The following PDE3A variants were observed in gnomAD, a reference collection of about 807,000 sequenced individuals.
The protein encoded by PDE3A is phosphodiesterase 3A.
In PDE3A, 43 loss-of-function variants were observed where a neutral mutation model predicts 98.3. The ratio of observed to expected loss-of-function variants is 0.44; its 90% CI spans 0.34 to 0.56. The LOEUF is 0.56. PDE3A is among the 20% of genes least tolerant of loss of function. The pLI is 0.01. For missense variants in PDE3A, 1,427 were observed against 1,440.7 expected, an observed-to-expected ratio of 0.99 and a Z score of 0.15; for synonymous variants, 663 against 567.9, an observed-to-expected ratio of 1.17 and a Z score of -2.38.
At chr12:20,395,557 A>G (rs1005096400) in intron 1 of PDE3A, among the ~76,000 whole-genome samples, 2 of 146,696 alleles carry the variant, frequency 1.4e-5, no homozygotes, top group Non-Finnish European at 3.0e-5. Flanking sequence ...ATGTGTACAC[A>G]TAGTATATAT....
At chr12:20,590,000 A>C (rs574211238) in intron 2 of PDE3A, among the ~76,000 whole-genome samples, 69 of 152,238 alleles carry the variant, frequency 4.5e-4, no homozygotes, top group African/African-American at 1.6e-3. Flanking sequence ...CTAGTGAAAA[A>C]TCTTATGCCA....
At chr12:20,492,745 A>G (rs959529275) in intron 1 of PDE3A, among the ~76,000 whole-genome samples, 2 of 152,002 alleles carry the variant, frequency 1.3e-5, no homozygotes, top group African/African-American at 4.8e-5. Context: ...ACTCACCTCA[A>G]CCTCCTTTCT....
At position 20,673,498 on chromosome 12, in the gene PDE3A, C is replaced by A. The variant is rs964938516; in HGVS notation, c.3185-6532C>A. On this transcript the variant is annotated intron_variant, in intron 15 of 15. Transcript: ENST00000359062. ...GGATTAAGAAAATGTGGCACATATACACCATGGAATACTATGCAGCCATAA... is the reference window on the plus strand; with the variant it reads ...GGATTAAGAAAATGTGGCACATATAAACCATGGAATACTATGCAGCCATAA... 4.2e-5 allele frequency among the ~76,000 whole-genome samples: 6 copies of A among 143,130 alleles called. No individual in the cohort carries two copies. In the South Asian group the frequency reaches 1.2e-3, roughly 28 times the overall value. The allele number at this position is 143,130 out of a possible 152,430, so 93.9% of individuals were successfully genotyped here. A position where few individuals can be genotyped will look rare whatever the true frequency, so the allele number is the denominator to read the frequency against.
intron 1 of PDE3A, among the ~76,000 whole-genome samples, chr12:20,457,936 G>A (rs1050855102): frequency 4.6e-5 from 7 of 152,022 alleles, no homozygotes; most frequent in Non-Finnish European, 1.0e-4. Context: ...TATTTATACA[G>A]TTAGATATTA....
At chr12:20,601,262 G>GT (rs750316615) in intron 2 of PDE3A, among the ~76,000 whole-genome samples, 5 of 146,280 alleles carry the variant, frequency 3.4e-5, no homozygotes, top group African/African-American at 7.7e-5. Context: ...TTGTTTGTTT[G>GT]TTTTTTGGCT....
At chr12:20,461,685 G>T (rs1347182963) in intron 1 of PDE3A, among the ~76,000 whole-genome samples, 1 of 152,118 alleles carries the variant, frequency 6.6e-6, no homozygotes, top group African/African-American at 2.4e-5. Flanking sequence ...TGGGATGATG[G>T]TGATGACGAT....
chr12:20,450,042 A>G, intron 1 of PDE3A: 1 of 635,288 alleles, frequency 1.6e-6, no homozygotes, highest in East Asian at 3.0e-5. Context: ...TTTTCATTCC[A>G]CAATTGCATA....
At chr12:20,508,154 T>A (rs371722298) in intron 1 of PDE3A, among the ~76,000 whole-genome samples, 1 of 152,034 alleles carries the variant, frequency 6.6e-6, no homozygotes, top group Non-Finnish European at 1.5e-5. Flanking sequence ...CACTGGCTGT[T>A]TTCTTTGCCT....
chr12:20,477,118 G>C, intron 1 of PDE3A, among the ~76,000 whole-genome samples: 1 of 152,136 alleles, frequency 6.6e-6, no homozygotes, highest in South Asian at 2.1e-4. Context: ...TTCTCTAACA[G>C]ATGCACAGGG....
At chr12:20,565,577 T>C (rs773412514) in intron 2 of PDE3A, among the ~76,000 whole-genome samples, 11 of 151,514 alleles carry the variant, frequency 7.3e-5, no homozygotes, top group Non-Finnish European at 1.5e-4. Flanking sequence ...TGATATAGGG[T>C]GGAGGAGGTT....
Position 20,637,127 on chromosome 12 carries a change from C to T in PDE3A, c.2029C>T (p.Leu677Phe). ...CAAACCAATTCTTGCTCCCGAACCT[C>T]TTGTCATGGATAACCTGGACTCAAT... ...LDKPILAPEP[L>F]VMDNLDSIME... The change falls in exon 9 of 16, where the codon CTT (leucine) becomes TTT (phenylalanine). Residue 677 changes from leucine (L) to phenylalanine (F), a missense_variant. Physicochemically the swap from Leu to Phe is conservative, Grantham distance 22. This residue lies in a region of PDE3A where 1,012 missense variants were observed against 886.5 expected (regional missense o/e 1.14). Coordinates refer to ENST00000359062, the MANE Select transcript of PDE3A (RefSeq NM_000921.5). 4 of 1,609,270 alleles carry T rather than the reference C, an allele frequency of 2.5e-6. No individual in the cohort carries two copies. In the South Asian group the frequency reaches 4.4e-5, roughly 18 times the overall value.
chr12:20,522,901 T>G (rs2084078300), intron 1 of PDE3A, among the ~76,000 whole-genome samples: 1 of 152,072 alleles, frequency 6.6e-6, no homozygotes, highest in South Asian at 2.1e-4. Flanking sequence ...GAAGCTATAT[T>G]TGTGAGTATG....
Position 20,685,409 on chromosome 12 carries a change from C to CAAAAAAA in PDE3A, c.*5155_*5161dup, listed in dbSNP as rs71442269. ...GGGCAACAGGAGTTAAATTTTGCCT[C>CAAAAAAA]AAAAAAAAAAAAAAAAAAAAAAAGA... On this transcript the variant is annotated 3_prime_UTR_variant, in exon 16 of 16. Coordinates refer to ENST00000359062, the MANE Select transcript of PDE3A (RefSeq NM_000921.5). Among the ~76,000 whole-genome samples, 42 of 73,752 alleles carry CAAAAAAA rather than the reference C, an allele frequency of 5.7e-4. No individual in the cohort carries two copies. The highest frequency in any genetic ancestry group is 8.5e-4 in the African/African-American group (14 of 16,562). The allele number at this position is 73,752 out of a possible 152,430, so 48.4% of individuals were successfully genotyped here. A position where few individuals can be genotyped will look rare whatever the true frequency, so the allele number is the denominator to read the frequency against.
chr12:20,409,583 T>C (rs1036255476), intron 1 of PDE3A, among the ~76,000 whole-genome samples: 12 of 152,158 alleles, frequency 7.9e-5, no homozygotes, highest in Non-Finnish European at 1.8e-4. Flanking sequence ...AGTCGCTGAA[T>C]AAAAATAGTG....
Position 20,598,174 on chromosome 12 carries a change from A to AATT in PDE3A, c.1012-15247_1012-15245dup, listed in dbSNP as rs533512178. On this transcript the variant is annotated intron_variant, in intron 2 of 15. Transcript: ENST00000359062. ...TTTACTGACTTTTATTTCTTTTTTTAATTATTATTATTATTATTATTATTT... is the reference window on the plus strand; with the variant it reads ...TTTACTGACTTTTATTTCTTTTTTTAATTATTATTATTATTATTATTATTATTT... Among the ~76,000 whole-genome samples the AATT allele has an allele frequency of 4.8e-3, 717 of 150,150 alleles. 8 individuals are homozygous for AATT. Among genetic ancestry groups the AATT allele is most frequent in the African/African-American group, 0.014 (572 of 40,842 alleles).
At chr12:20,534,688 A>G (rs2121199284) in intron 1 of PDE3A, among the ~76,000 whole-genome samples, 1 of 152,320 alleles carries the variant, frequency 6.6e-6, no homozygotes, top group Admixed American at 6.5e-5. Context: ...ATTGAGATAT[A>G]GATTACCTAT....
At chr12:20,384,672 C>CT (rs767099225) in intron 1 of PDE3A, among the ~76,000 whole-genome samples, 1 of 151,856 alleles carries the variant, frequency 6.6e-6, no homozygotes, top group African/African-American at 2.4e-5. Context: ...ATTTATCCTG[C>CT]TTTTTTTCAC....
chr12:20,455,797 T>G (rs1174572809), intron 1 of PDE3A, among the ~76,000 whole-genome samples: 1 of 152,114 alleles, frequency 6.6e-6, no homozygotes, highest in East Asian at 1.9e-4. Flanking sequence ...TTAAAAAGAT[T>G]GGGAAAGGTC....
intron 15 of PDE3A, among the ~76,000 whole-genome samples, chr12:20,665,523 G>A (rs775199744): frequency 2.5e-4 from 38 of 152,050 alleles, no homozygotes; most frequent in Non-Finnish European, 4.6e-4. Flanking sequence ...TTTGTCCAAG[G>A]CTCCCTCACA....
Sources: gnomAD v4.1 joint callset for allele counts (sites outside exome capture counted in the v4.1 genomes callset) on GRCh38, gnomAD v4.1.1 for gene constraint, gnomAD v4.1.1 regional missense constraint, MANE v1.5 for transcripts, NCBI Gene and HGNC (gene_info 2026-07-23, HGNC 2026-07-21) for gene names.